The following SRF variants were observed in gnomAD, a reference collection of about 807,000 sequenced individuals.
The protein encoded by SRF is c-fos serum response element-binding transcription factor.
In SRF, 7 loss-of-function variants were observed where a neutral mutation model predicts 37.1. That is an observed-to-expected ratio of 0.19 (90% CI 0.11 to 0.35). The LOEUF is 0.35. SRF is among the 10% of genes least tolerant of loss of function. SRF has a pLI of 1.00. For synonymous variants in SRF, 285 were observed against 310.1 expected (o/e 0.92, Z 0.85); for missense variants, 395 against 694.4 (o/e 0.57, Z 4.85).
Position 43,179,411 on chromosome 6 carries a change from C to T in SRF, c.*221C>T. On this transcript the variant is annotated 3_prime_UTR_variant, in exon 7 of 7. Transcript: ENST00000265354. The surrounding 1 kb of genome is among the most constrained non-coding windows in gnomAD (Gnocchi z 5.3). ...CTCCCCTTCTTCCCGCCCCACCTCC[C>T]ATTTCTGTTGCTGGAGGGGCTGTCC... 1 of 582,422 alleles carries T rather than the reference C, an allele frequency of 1.7e-6. No individual in the cohort carries two copies. Among genetic ancestry groups the T allele is most frequent in the Non-Finnish European group, 3.1e-6 (1 of 325,356 alleles). 36.1% of individuals were successfully genotyped at this position (582,422 alleles called of 1,614,324 possible). A position where few individuals can be genotyped will look rare whatever the true frequency, so the allele number is the denominator to read the frequency against.
intron 4 of SRF, among the ~76,000 whole-genome samples, chr6:43,177,981 G>A (rs973540041): frequency 2.0e-5 from 3 of 151,914 alleles, no homozygotes; most frequent in South Asian, 2.1e-4. Flanking sequence ...GCTCCTAAAA[G>A]GGGAGTATCT....
intron 2 of SRF, among the ~76,000 whole-genome samples, chr6:43,175,467 T>A (rs1215328503): frequency 1.3e-5 from 2 of 152,224 alleles, no homozygotes; most frequent in Non-Finnish European, 2.9e-5. Flanking sequence ...GATTTACATA[T>A]GCTAACCTAC....
chr6:43,174,525 G>T (rs992766586), intron 2 of SRF, among the ~76,000 whole-genome samples: 5 of 152,240 alleles, frequency 3.3e-5, no homozygotes, highest in African/African-American at 1.2e-4. Context: ...TGGTTGACTG[G>T]GCCGGGGACT....
At position 43,176,899 on chromosome 6, in the gene SRF, C is replaced by T. The variant is rs1443576301; in HGVS notation, c.1162+232C>T. Among the ~76,000 whole-genome samples the T allele has an allele frequency of 6.6e-6, 1 of 152,140 alleles. No homozygotes were observed. On this transcript the variant is annotated intron_variant, in intron 4 of 6. Coordinates refer to ENST00000265354, the MANE Select transcript of SRF (RefSeq NM_003131.4). The surrounding 1 kb of genome is among the most constrained non-coding windows in gnomAD (Gnocchi z 4.0). ...AAAATTGGGGACCATTGACCTACCT[C>T]CTCATTCAGATGAGGAGCCTGAGGC... is the stretch of plus-strand genomic sequence containing the variant.
chr6:43,173,826 A>T lies in SRF; in HGVS notation c.514-21A>T, dbSNP rs775312812. 5 of 1,605,290 alleles carry T rather than the reference A, an allele frequency of 3.1e-6. No homozygotes were observed. In the African/African-American group the frequency reaches 5.4e-5, roughly 17 times the overall value. On this transcript the variant is annotated intron_variant, in intron 1 of 6. Coordinates refer to ENST00000265354, the MANE Select transcript of SRF (RefSeq NM_003131.4). The surrounding 1 kb of genome is among the most constrained non-coding windows in gnomAD (Gnocchi z 4.2). Reference sequence around the variant, plus strand: ...AGATAAAAAGTTTGCTGACCTGCCCATCTCCCTCCTCACCCCTCAGGCCTA... The same window carrying T: ...AGATAAAAAGTTTGCTGACCTGCCCTTCTCCCTCCTCACCCCTCAGGCCTA...
chr6:43,179,550 C>T lies in SRF; in HGVS notation c.*360C>T, dbSNP rs907568231. On this transcript the variant is annotated 3_prime_UTR_variant, in exon 7 of 7. Coordinates refer to ENST00000265354, the MANE Select transcript of SRF (RefSeq NM_003131.4). This position sits in a 1 kb window ranked among gnomAD's most constrained non-coding sequence, Gnocchi z 5.3. ...ACAGGCCTTCTGTGGGGCTGGGCAC[C>T]GTGTCCTCCTCTGAGGAAGCAGTTG... 2 of 293,436 alleles carry T rather than the reference C, an allele frequency of 6.8e-6. No individual in the cohort carries two copies. Among genetic ancestry groups the T allele is most frequent in the Non-Finnish European group, 1.3e-5 (2 of 150,414 alleles). The allele number at this position is 293,436 out of a possible 1,614,324, so 18.2% of individuals were successfully genotyped here.
At position 43,178,989 on chromosome 6, in the gene SRF, C is replaced by A. The variant is rs530534849; in HGVS notation, c.1432-106C>A. On this transcript the variant is annotated intron_variant, in intron 6 of 6. Coordinates refer to ENST00000265354, the MANE Select transcript of SRF (RefSeq NM_003131.4). The surrounding 1 kb of genome is among the most constrained non-coding windows in gnomAD (Gnocchi z 4.3). ...AAGCCAAAATCCCTAGCCTGGAAGC[C>A]CATCTGCTTTTCTGCTCAGGCCTGT... 1 of 1,564,846 alleles carries A rather than the reference C, an allele frequency of 6.4e-7. No individual in the cohort carries two copies. Among genetic ancestry groups the A allele is most frequent in the South Asian group, 1.1e-5 (1 of 90,046 alleles).
chr6:43,172,191 C>T lies in SRF; in HGVS notation c.513+22C>T, dbSNP rs368934437. ...GAAGGTACCAAGCCGGGGGGCTGGC[C>T]GGCCCCGGGGCCCGGTTGGGGTGGG... On this transcript the variant is annotated intron_variant, in intron 1 of 6. Transcript: ENST00000265354. This position sits in a 1 kb window ranked among gnomAD's most constrained non-coding sequence, Gnocchi z 5.7. 2 of 1,601,408 alleles carry T rather than the reference C, an allele frequency of 1.2e-6. No individual in the cohort carries two copies. Among genetic ancestry groups the T allele is most frequent in the African/African-American group, 1.3e-5 (1 of 74,788 alleles).
chr6:43,179,316 C>A lies in SRF; in HGVS notation c.*126C>A. ...GGAGGCGGGGAGGAGGAACGGGCAG[C>A]CACAGGACTGAGCCCTCTCACTCCA... On this transcript the variant is annotated 3_prime_UTR_variant, in exon 7 of 7. Transcript: ENST00000265354. The surrounding 1 kb of genome is among the most constrained non-coding windows in gnomAD (Gnocchi z 5.3). 1 of 971,830 alleles carries A rather than the reference C, an allele frequency of 1.0e-6. No homozygotes were observed. Among genetic ancestry groups the A allele is most frequent in the Non-Finnish European group, 1.6e-6 (1 of 637,068 alleles). The allele number at this position is 971,830 out of a possible 1,614,324, so 60.2% of individuals were successfully genotyped here.
At position 43,179,626 on chromosome 6, in the gene SRF, C is replaced by A; in HGVS notation, c.*436C>A. ...GACCCCAGGTCAGCCCTGTGTCTGTCACAGGCTGGGTCAAAAGAGCCCTGG... is the reference window on the plus strand; with the variant it reads ...GACCCCAGGTCAGCCCTGTGTCTGTAACAGGCTGGGTCAAAAGAGCCCTGG... On this transcript the variant is annotated 3_prime_UTR_variant, in exon 7 of 7. Transcript: ENST00000265354. The surrounding 1 kb of genome is among the most constrained non-coding windows in gnomAD (Gnocchi z 5.3). The A allele has an allele frequency of 4.8e-6, 1 of 206,404 alleles. No homozygotes were observed. Among genetic ancestry groups the A allele is most frequent in the Non-Finnish European group, 1.0e-5 (1 of 99,370 alleles). 12.8% of individuals were successfully genotyped at this position (206,404 alleles called of 1,614,324 possible). A position where few individuals can be genotyped will look rare whatever the true frequency, so the allele number is the denominator to read the frequency against.
At position 43,173,006 on chromosome 6, in the gene SRF, T is replaced by A. The variant is rs1346931955; in HGVS notation, c.513+837T>A. ...AGGGAAGAGATGAAAGCAGAGGAAC[T>A]GGGAGACAAGGAGCTGGATCCTTGG... On this transcript the variant is annotated intron_variant, in intron 1 of 6. Transcript: ENST00000265354. The surrounding 1 kb of genome is among the most constrained non-coding windows in gnomAD (Gnocchi z 4.2). Among the ~76,000 whole-genome samples the A allele has an allele frequency of 1.3e-5, 2 of 152,200 alleles. No homozygotes were observed. The highest frequency in any genetic ancestry group is 2.9e-5 in the Non-Finnish European group (2 of 68,034).
Position 43,178,725 on chromosome 6 carries a change from C to A in SRF, c.1355-81C>A. ...CTTACATCTGAGACTGCCCCAGTCACTTGTGCATTTGACACCACTCCTCCA... is the reference window on the plus strand; with the variant it reads ...CTTACATCTGAGACTGCCCCAGTCAATTGTGCATTTGACACCACTCCTCCA... On this transcript the variant is annotated intron_variant, in intron 5 of 6. Coordinates refer to ENST00000265354, the MANE Select transcript of SRF (RefSeq NM_003131.4). This position sits in a 1 kb window ranked among gnomAD's most constrained non-coding sequence, Gnocchi z 4.3. 6.8e-7 allele frequency: 1 copy of A among 1,474,092 alleles called. No homozygotes were observed. The highest frequency in any genetic ancestry group is 9.5e-7 in the Non-Finnish European group (1 of 1,055,094). The allele number at this position is 1,474,092 out of a possible 1,614,324, so 91.3% of individuals were successfully genotyped here. A position where few individuals can be genotyped will look rare whatever the true frequency, so the allele number is the denominator to read the frequency against.
rs1296584960 is a variant in SRF, at chr6:43,176,559, G to A, written c.1054G>A (p.Ala352Thr). 1 of 1,613,970 alleles carries A rather than the reference G, an allele frequency of 6.2e-7. No individual in the cohort carries two copies. The highest frequency in any genetic ancestry group is 8.5e-7 in the Non-Finnish European group (1 of 1,180,012). ...TCTGTGTCTTGCAGGTGGGGCAGTGGCCCAGCAGGTCCCAGTGCAGGCCAT... is the reference window on the plus strand; with the variant it reads ...TCTGTGTCTTGCAGGTGGGGCAGTGACCCAGCAGGTCCCAGTGCAGGCCAT... ...SFTLMPGGAV[A>T]QQVPVQAIQV... The change falls in exon 4 of 7, where the codon GCC becomes ACC. Residue 352 changes from alanine to threonine, a missense_variant. Ala to Thr is a moderately conservative substitution (Grantham distance 58). Around this residue, in one of 4 missense-constraint regions of SRF, gnomAD observed 232 missense variants for 335.6 expected, o/e 0.69. Transcript: ENST00000265354. This position sits in a 1 kb window ranked among gnomAD's most constrained non-coding sequence, Gnocchi z 4.0.
In SRF at chr6:43,172,333, G is replaced by A. The variant is rs1250366182; in HGVS notation, c.513+164G>A. 1 of 984,866 alleles carries A rather than the reference G, an allele frequency of 1.0e-6. No individual in the cohort carries two copies. Among genetic ancestry groups the A allele is most frequent in the African/African-American group, 1.7e-5 (1 of 57,190 alleles). The allele number at this position is 984,866 out of a possible 1,614,324, so 61.0% of individuals were successfully genotyped here. Reference sequence around the variant, plus strand: ...TGCCCGGGGAGGGCCGAAGGGGAGGGGCCGCCGGGGAAATGTGGGGAGAGG... The same window carrying A: ...TGCCCGGGGAGGGCCGAAGGGGAGGAGCCGCCGGGGAAATGTGGGGAGAGG... On this transcript the variant is annotated intron_variant, in intron 1 of 6. Transcript: ENST00000265354. This position sits in a 1 kb window ranked among gnomAD's most constrained non-coding sequence, Gnocchi z 5.7.
Position 43,179,399 on chromosome 6 carries a change from C to A in SRF, c.*209C>A. The A allele has an allele frequency of 1.7e-6, 1 of 589,504 alleles. No homozygotes were observed. The highest frequency in any genetic ancestry group is 2.9e-5 in the Admixed American group (1 of 33,962). 36.5% of individuals were successfully genotyped at this position (589,504 alleles called of 1,614,324 possible). ...TCCTCCCTCAGCCTCCCCTTCTTCC[C>A]GCCCCACCTCCCATTTCTGTTGCTG... On this transcript the variant is annotated 3_prime_UTR_variant, in exon 7 of 7. Coordinates refer to ENST00000265354, the MANE Select transcript of SRF (RefSeq NM_003131.4). The surrounding 1 kb of genome is among the most constrained non-coding windows in gnomAD (Gnocchi z 5.3).
In SRF at chr6:43,179,843, C is replaced by G. The variant is rs1400286556; in HGVS notation, c.*653C>G. 7 of 152,752 alleles carry G rather than the reference C, an allele frequency of 4.6e-5. No individual in the cohort carries two copies. The highest frequency in any genetic ancestry group is 1.7e-4 in the African/African-American group (7 of 41,452). The allele number at this position is 152,752 out of a possible 1,614,324, so 9.5% of individuals were successfully genotyped here. On this transcript the variant is annotated 3_prime_UTR_variant, in exon 7 of 7. Coordinates refer to ENST00000265354, the MANE Select transcript of SRF (RefSeq NM_003131.4). This position sits in a 1 kb window ranked among gnomAD's most constrained non-coding sequence, Gnocchi z 5.3. The stretch of plus-strand genomic sequence containing the variant: ...AGGGAACCACCAGCGTTCCCTTCTC[C>G]CCCTTGTCTTCCCCCCTCTCCTCCC...
Position 43,172,017 on chromosome 6 carries a change from A to T in SRF, c.361A>T (p.Thr121Ser). The T allele has an allele frequency of 6.3e-7, 1 of 1,588,814 alleles. No individual in the cohort carries two copies. The highest frequency in any genetic ancestry group is 8.6e-7 in the Non-Finnish European group (1 of 1,168,896). The change falls in exon 1 of 7, where the codon ACC (threonine) becomes TCC (serine). Residue 121 changes from threonine to serine, a missense_variant. Thr to Ser is a moderately conservative substitution (Grantham distance 58, BLOSUM62 1). Coordinates refer to ENST00000265354, the MANE Select transcript of SRF (RefSeq NM_003131.4). The surrounding 1 kb of genome is among the most constrained non-coding windows in gnomAD (Gnocchi z 5.7). ...TGGGCCCGAGGCGTCGGCAGCGGCC[A>T]CCGGGGGCTACGGGCCGGTGAGCGG... is the stretch of plus-strand genomic sequence containing the variant. ...VGGPEASAAA[T>S]GGYGPVSGAV...
In SRF at chr6:43,173,826, A is replaced by G; in HGVS notation, c.514-21A>G. 1.9e-6 allele frequency: 3 copies of G among 1,605,408 alleles called. No individual in the cohort carries two copies. The highest frequency in any genetic ancestry group is 2.6e-6 in the Non-Finnish European group (3 of 1,173,864). On this transcript the variant is annotated intron_variant, in intron 1 of 6. Transcript: ENST00000265354. This position sits in a 1 kb window ranked among gnomAD's most constrained non-coding sequence, Gnocchi z 4.2. Reference sequence around the variant, plus strand: ...AGATAAAAAGTTTGCTGACCTGCCCATCTCCCTCCTCACCCCTCAGGCCTA... The same window carrying G: ...AGATAAAAAGTTTGCTGACCTGCCCGTCTCCCTCCTCACCCCTCAGGCCTA...
In SRF at chr6:43,178,372, C is replaced by T. The variant is rs1336759405; in HGVS notation, c.1241C>T (p.Ala414Val). 20 of 1,613,922 alleles carry T rather than the reference C, an allele frequency of 1.2e-5. No homozygotes were observed. Among genetic ancestry groups the T allele is most frequent in the Non-Finnish European group, 1.4e-5 (17 of 1,180,030 alleles). ...CACATGATGTACCCTAGCCCGCATG[C>T]GGTGATGTATGCCCCCACCTCGGGC... is the stretch of plus-strand genomic sequence containing the variant. ...GGHMMYPSPH[A>V]VMYAPTSGLG... Residue 414 changes from alanine to valine, a missense_variant, in exon 5 of 7, where the codon GCG becomes GTG. Physicochemically the swap from Ala to Val is moderately conservative, Grantham distance 64. This residue lies in a region of SRF where 232 missense variants were observed against 335.6 expected (regional missense o/e 0.69). Transcript: ENST00000265354. The surrounding 1 kb of genome is among the most constrained non-coding windows in gnomAD (Gnocchi z 4.3).
Sources: gnomAD v4.1 joint callset for allele counts (sites outside exome capture counted in the v4.1 genomes callset) on GRCh38, gnomAD v4.1.1 for gene constraint, gnomAD v4.1.1 regional missense constraint, Gnocchi (gnomAD v3.1) non-coding constraint, MANE v1.5 for transcripts, NCBI Gene and HGNC (gene_info 2026-07-23, HGNC 2026-07-21) for gene names.